Variants in XRCC4 observed in about 807,000 individuals in gnomAD.
XRCC4 encodes DNA repair protein XRCC4.
In XRCC4, 28 loss-of-function variants were observed where a neutral mutation model predicts 39.1. The observed-to-expected ratio is 0.72, with a 90% CI of 0.53 to 0.98. The LOEUF (loss-of-function observed/expected upper bound fraction) is 0.98, where lower values mean the gene tolerates loss of function less well. Ranked by LOEUF, XRCC4 falls within the 50% of genes least tolerant of loss-of-function variation. The pLI is 0.00. For synonymous variants in XRCC4, 123 were observed against 126.4 expected, an observed-to-expected ratio of 0.97 and a Z score of 0.18; for missense variants, 350 against 376.4, an observed-to-expected ratio of 0.93 and a Z score of 0.58.
At chr5:83,331,022 T>C (rs1263763165) in intron 7 of XRCC4, among the ~76,000 whole-genome samples, 1 of 152,094 alleles carries the variant, frequency 6.6e-6, no homozygotes, top group East Asian at 1.9e-4. Flanking sequence ...TACCTCATCA[T>C]TAAAATACAG....
rs191600698 is a variant in XRCC4, at chr5:83,156,194, A to G, written c.316-39576A>G. ...TGTAGTTTGTTTCGTAGTTAAGGAA[A>G]TGTTGCTTGTGGTTACAATTCGTGT... On this transcript the variant is annotated intron_variant, in intron 3 of 7. Transcript: ENST00000396027. Among the ~76,000 whole-genome samples, 375 of 152,104 alleles carry G rather than the reference A, an allele frequency of 2.5e-3. 1 individual carries two copies. Among genetic ancestry groups the G allele is most frequent in the Middle Eastern group, 0.01 (3 of 290 alleles).
rs535726749 is a variant in XRCC4 at position 83,320,805 on chromosome 5, T to C, written c.894-32326T>C. The stretch of plus-strand genomic sequence containing the variant: ...AACATTTTGAAATTAAGTTATGTAC[T>C]TCTTTTTTTTTTTTTTTTTTTTTTG... On this transcript the variant is annotated intron_variant, in intron 7 of 7. Coordinates refer to ENST00000396027, the MANE Select transcript of XRCC4 (RefSeq NM_003401.5). 1.6e-4 allele frequency among the ~76,000 whole-genome samples: 23 copies of C among 147,630 alleles called. 1 individual carries two copies. Among genetic ancestry groups the C allele is most frequent in the African/African-American group, 5.6e-4 (22 of 38,946 alleles).
chr5:83,258,482 G>T (rs772262486), intron 6 of XRCC4, 48 bp from the exon 7 acceptor site: 3 of 1,581,346 alleles, frequency 1.9e-6, no homozygotes, highest in Non-Finnish European at 2.6e-6. Context: ...ACTTACAAAT[G>T]ATGTGCATAA....
intron 7 of XRCC4, among the ~76,000 whole-genome samples, chr5:83,313,823 C>T (rs1755788955): frequency 6.6e-6 from 1 of 152,064 alleles, no homozygotes; most frequent in African/African-American, 2.4e-5. Context: ...TAATATAATT[C>T]CCTTTAAAAT....
At chr5:83,106,216 C>A (rs1746191129) in intron 2 of XRCC4, among the ~76,000 whole-genome samples, 1 of 151,964 alleles carries the variant, frequency 6.6e-6, no homozygotes, top group Admixed American at 6.6e-5. Context: ...GAGATTATAT[C>A]CAGAAGACAA....
chr5:83,348,891 T>C (rs939245969), intron 7 of XRCC4, among the ~76,000 whole-genome samples: 3 of 152,152 alleles, frequency 2.0e-5, no homozygotes, highest in African/African-American at 7.2e-5. Context: ...CTTGAATGCT[T>C]TGCTGCTTAG....
intron 6 of XRCC4, among the ~76,000 whole-genome samples, chr5:83,228,536 C>A (rs1263337512): frequency 2.0e-5 from 3 of 152,018 alleles, no homozygotes; most frequent in Admixed American, 2.0e-4. Flanking sequence ...TTTGAGTTCA[C>A]ACCTAGGATT....
intron 4 of XRCC4, chr5:83,202,133 T>C (rs1287639550): frequency 2.0e-5 from 3 of 151,814 alleles, no homozygotes; most frequent in Admixed American, 6.6e-5. Flanking sequence ...GAACAGGATA[T>C]TGAAAAGAAA....
chr5:83,242,686 A>G (rs969320639), intron 6 of XRCC4, among the ~76,000 whole-genome samples: 5 of 152,126 alleles, frequency 3.3e-5, no homozygotes, highest in Non-Finnish European at 7.3e-5. Context: ...TATATAATCA[A>G]CACTTGCTAC....
intron 3 of XRCC4, among the ~76,000 whole-genome samples, chr5:83,148,007 C>T (rs1178828505): frequency 4.6e-5 from 7 of 152,006 alleles, no homozygotes; most frequent in African/African-American, 7.3e-5. Context: ...AGGCTGTTCT[C>T]GAACTCCCGG....
chr5:83,086,064 G>T (rs1745166827), intron 1 of XRCC4, among the ~76,000 whole-genome samples: 1 of 152,160 alleles, frequency 6.6e-6, no homozygotes, highest in South Asian at 2.1e-4. Flanking sequence ...TAAAACATGG[G>T]TATCAGGACT....
intron 7 of XRCC4, among the ~76,000 whole-genome samples, chr5:83,332,013 C>A (rs1035372467): frequency 3.9e-5 from 6 of 152,146 alleles, no homozygotes; most frequent in Admixed American, 2.6e-4. Context: ...ATTACGTTTT[C>A]AGTGATTCAT....
At chr5:83,316,114 G>A (rs966872792) in intron 7 of XRCC4, among the ~76,000 whole-genome samples, 5 of 152,054 alleles carry the variant, frequency 3.3e-5, no homozygotes, top group African/African-American at 1.2e-4. Flanking sequence ...GATGATTAGG[G>A]GGTTCAAGAC....
intron 3 of XRCC4, among the ~76,000 whole-genome samples, chr5:83,135,530 C>T (rs943005699): frequency 1.1e-4 from 17 of 150,346 alleles, no homozygotes; most frequent in Non-Finnish European, 2.5e-4. Context: ...TTTCTATTTT[C>T]TTTTCTCGTT....
downstream of XRCC4, among the ~76,000 whole-genome samples, chr5:83,356,250 A>G (rs1757188847): frequency 6.6e-6 from 1 of 152,136 alleles, no homozygotes; most frequent in Non-Finnish European, 1.5e-5. Flanking sequence ...AAATCTCAAA[A>G]TAATATTATC....
intron 3 of XRCC4, among the ~76,000 whole-genome samples, chr5:83,145,953 C>A (rs1189004763): frequency 6.6e-6 from 1 of 151,726 alleles, no homozygotes; most frequent in Admixed American, 6.6e-5. Flanking sequence ...TGACTAAAAG[C>A]AGAGCTCTAT....
Position 83,258,679 on chromosome 5 carries a change from T to A in XRCC4, c.893+2T>A. The A allele has an allele frequency of 6.2e-7, 1 of 1,609,730 alleles. No homozygotes were observed. The highest frequency in any genetic ancestry group is 8.5e-7 in the Non-Finnish European group (1 of 1,178,420). ...GAATCAGCTTCAAGAAAAGGAAAAG[T>A]AAGTCATTTTATTCTTTGCCAAGAA... On this transcript the variant is annotated splice_donor_variant, in intron 7 of 7. Coordinates refer to ENST00000396027, the MANE Select transcript of XRCC4 (RefSeq NM_003401.5). LOFTEE classifies it high-confidence loss of function.
At chr5:83,126,389 T>C (rs1382586993) in intron 3 of XRCC4, among the ~76,000 whole-genome samples, 1 of 152,176 alleles carries the variant, frequency 6.6e-6, no homozygotes, top group Non-Finnish European at 1.5e-5. Context: ...CTTTCTAAAT[T>C]CCCTTATTTG....
chr5:83,169,326 G>T (rs1749623531), intron 3 of XRCC4, among the ~76,000 whole-genome samples: 3 of 152,038 alleles, frequency 2.0e-5, no homozygotes, highest in Admixed American at 2.0e-4. Context: ...TAAAATATAT[G>T]CTGATTGGAC....
Sources: allele counts gnomAD v4.1 joint callset (sites outside exome capture counted in the v4.1 genomes callset), GRCh38; gene constraint gnomAD v4.1.1; transcripts MANE v1.5; gene names NCBI Gene and HGNC (gene_info 2026-07-23, HGNC 2026-07-21).